ELOVL5: variants seen among roughly 807,000 people sequenced by gnomAD.
ELOVL5 encodes ELOVL fatty acid elongase 5, also known as very long chain fatty acid elongase 5.
ELOVL5 carries 8 observed loss-of-function variants against 38.6 expected under a neutral mutation model. That is an observed-to-expected ratio of 0.21 (90% confidence interval 0.12 to 0.37). The LOEUF is 0.37. ELOVL5 is among the 10% of genes least tolerant of loss of function. The pLI is 1.00. For synonymous variants in ELOVL5, 127 were observed against 133.7 expected (o/e 0.95, Z 0.34); for missense variants, 280 against 367.8 (o/e 0.76, Z 1.95).
At chr6:53,323,133 C>G (rs1256625383) in intron 1 of ELOVL5, among the ~76,000 whole-genome samples, 1 of 152,146 alleles carries the variant, frequency 6.6e-6, no homozygotes, top group African/African-American at 2.4e-5. Context: ...TTTTAACTGT[C>G]AATCATATTA....
chr6:53,337,723 C>T (rs183693012), intron 1 of ELOVL5, among the ~76,000 whole-genome samples: 3 of 152,292 alleles, frequency 2.0e-5, no homozygotes, highest in Admixed American at 2.0e-4. Context: ...ACAGGTACAA[C>T]CTCATCTAAT....
chr6:53,331,115 A>G (rs1324862010), intron 1 of ELOVL5, among the ~76,000 whole-genome samples: 2 of 152,184 alleles, frequency 1.3e-5, no homozygotes, highest in Non-Finnish European at 2.9e-5. Context: ...GGACTGCTGG[A>G]GCCCAGGAGT....
chr6:53,323,833 C>T (rs1768396811), intron 1 of ELOVL5, among the ~76,000 whole-genome samples: 1 of 152,116 alleles, frequency 6.6e-6, no homozygotes, highest in Admixed American at 6.5e-5. Flanking sequence ...GACCATCGGG[C>T]CATGCCCGAC....
At position 53,268,892 on chromosome 6, in the gene ELOVL5, C is replaced by A. The variant is rs745564246; in HGVS notation, c.*235G>T. On this transcript the variant is annotated 3_prime_UTR_variant, in exon 8 of 8. Coordinates refer to ENST00000304434, the MANE Select transcript of ELOVL5 (RefSeq NM_021814.5). ...CAGTGTTGTATACTATAATAATACTCCCTTTCCACAGTCTAGCGCAGGGGT... is the reference window on the plus strand; with the variant it reads ...CAGTGTTGTATACTATAATAATACTACCTTTCCACAGTCTAGCGCAGGGGT... The A allele has an allele frequency of 9.7e-6, 4 of 410,506 alleles. No individual in the cohort carries two copies. The highest frequency in any genetic ancestry group is 1.7e-5 in the Non-Finnish European group (4 of 229,796). 25.4% of individuals were successfully genotyped at this position (410,506 alleles called of 1,614,324 possible).
intron 1 of ELOVL5, among the ~76,000 whole-genome samples, chr6:53,333,900 TAGA>T (rs1768918357): frequency 6.6e-6 from 1 of 152,016 alleles, no homozygotes; most frequent in African/African-American, 2.4e-5. Flanking sequence ...CAACATTAGG[TAGA>T]AGGACAGTGA....
chr6:53,268,089 C>G lies in ELOVL5; in HGVS notation c.*1038G>C, dbSNP rs74973466. 3 of 152,106 alleles carry G rather than the reference C, an allele frequency of 2.0e-5. No homozygotes were observed. Among genetic ancestry groups the G allele is most frequent in the African/African-American group, 7.2e-5 (3 of 41,414 alleles). The allele number at this position is 152,106 out of a possible 1,614,324, so 9.4% of individuals were successfully genotyped here. A position where few individuals can be genotyped will look rare whatever the true frequency, so the allele number is the denominator to read the frequency against. ...TAAAAAGTTCTAAGGTCCTTTCCCC[C>G]CCTTTGTTAATTTTGGTAAACTAGG... On this transcript the variant is annotated 3_prime_UTR_variant, in exon 8 of 8. Transcript: ENST00000304434.
chr6:53,321,599 T>G (rs933002941), intron 1 of ELOVL5, among the ~76,000 whole-genome samples: 1 of 152,210 alleles, frequency 6.6e-6, no homozygotes. Flanking sequence ...AACATTTTTA[T>G]GTATTAATGT....
chr6:53,324,979 C>G (rs988141591), intron 1 of ELOVL5, among the ~76,000 whole-genome samples: 1 of 152,152 alleles, frequency 6.6e-6, no homozygotes, highest in Admixed American at 6.5e-5. Context: ...GACAGATTAA[C>G]CGGAAGCCAA....
At chr6:53,280,700 C>T (rs1766316928) in intron 3 of ELOVL5, among the ~76,000 whole-genome samples, 1 of 152,206 alleles carries the variant, frequency 6.6e-6, no homozygotes, top group South Asian at 2.1e-4. Flanking sequence ...TCAAGCCATC[C>T]TCCTACCTCA....
chr6:53,348,269 C>G (rs1769660968), intron 1 of ELOVL5, among the ~76,000 whole-genome samples: 1 of 152,210 alleles, frequency 6.6e-6, no homozygotes, highest in Non-Finnish European at 1.5e-5. Context: ...GCGGAGAGAA[C>G]AGGACAAAAA....
intron 6 of ELOVL5, among the ~76,000 whole-genome samples, 153 bp from the exon 7 acceptor site, chr6:53,270,880 T>TA (rs1367460170): frequency 6.6e-6 from 1 of 152,242 alleles, no homozygotes; most frequent in Admixed American, 6.5e-5. Flanking sequence ...ACACAACACA[T>TA]ACACTATACT....
At chr6:53,270,172 ATGTATAAGAAAGCTGG>A (rs1310925322) in intron 7 of ELOVL5, among the ~76,000 whole-genome samples, 1 of 152,210 alleles carries the variant, frequency 6.6e-6, no homozygotes, top group African/African-American at 2.4e-5. Flanking sequence ...TGAAGACTGA[ATGTATAAGAAAGCTGG>A]GACAAAAAAG....
At chr6:53,291,239 C>A (rs561342825) in intron 3 of ELOVL5, among the ~76,000 whole-genome samples, 1 of 152,268 alleles carries the variant, frequency 6.6e-6, no homozygotes, top group East Asian at 1.9e-4. Flanking sequence ...CTCAGACAGA[C>A]AATTCAAAAC....
At chr6:53,276,068 T>C (rs1445115691) in intron 4 of ELOVL5, 111 bp downstream of exon 4, 6 of 685,028 alleles carry the variant, frequency 8.8e-6, no homozygotes, top group South Asian at 6.1e-5. Flanking sequence ...TTTAAAAATA[T>C]CAACAGGGAT....
At chr6:53,276,565 C>A (rs1338125414) in intron 3 of ELOVL5, among the ~76,000 whole-genome samples, 1 of 152,154 alleles carries the variant, frequency 6.6e-6, no homozygotes, top group Non-Finnish European at 1.5e-5. Context: ...AGTGCCCAGA[C>A]CAAGCCAATC....
chr6:53,316,140 TATC>T (rs765508360), intron 1 of ELOVL5, among the ~76,000 whole-genome samples: 44 of 152,216 alleles, frequency 2.9e-4, no homozygotes, highest in Admixed American at 9.8e-4. Context: ...CAGCTATTTT[TATC>T]ATCATCAGAA....
chr6:53,323,063 G>A (rs536059889), intron 1 of ELOVL5, among the ~76,000 whole-genome samples: 3 of 152,238 alleles, frequency 2.0e-5, no homozygotes, highest in East Asian at 1.9e-4. Flanking sequence ...TTCAGTTACC[G>A]AGCCTGCACT....
chr6:53,298,927 G>A (rs960979449), intron 1 of ELOVL5, among the ~76,000 whole-genome samples: 1 of 149,488 alleles, frequency 6.7e-6, no homozygotes, highest in Non-Finnish European at 1.5e-5. Context: ...TAATATATCA[G>A]GAGAGGAACT....
chr6:53,287,797 C>A, intron 3 of ELOVL5: 1 of 1,403,786 alleles, frequency 7.1e-7, no homozygotes. Flanking sequence ...AGGAAAGGAG[C>A]CAGCCATCCT....
Sources: allele counts gnomAD v4.1 joint callset (sites outside exome capture counted in the v4.1 genomes callset), GRCh38; gene constraint gnomAD v4.1.1; transcripts MANE v1.5; gene names NCBI Gene and HGNC (gene_info 2026-07-23, HGNC 2026-07-21).